The following ST8SIA4 variants were observed in gnomAD, a reference collection of about 807,000 sequenced individuals.
The protein encoded by ST8SIA4 is CMP-N-acetylneuraminate-poly-alpha-2,8-sialyltransferase.
Under a neutral mutation model 33.9 loss-of-function variants are expected in ST8SIA4, and 15 were observed. The ratio of observed to expected loss-of-function variants is 0.44; its 90% CI spans 0.30 to 0.68. The LOEUF (loss-of-function observed/expected upper bound fraction) is 0.68, where lower values mean the gene tolerates loss of function less well. ST8SIA4 is among the 30% of genes least tolerant of loss of function. ST8SIA4 has a pLI of 0.10. For synonymous variants in ST8SIA4, 171 were observed against 151.2 expected (o/e 1.13, Z -0.96); for missense variants, 321 against 428.0 (o/e 0.75, Z 2.21).
At chr5:100,846,150 C>T (rs1215010226) in intron 4 of ST8SIA4, among the ~76,000 whole-genome samples, 1 of 151,888 alleles carries the variant, frequency 6.6e-6, no homozygotes, top group African/African-American at 2.4e-5. Context: ...GAATTCAAGC[C>T]TTCCTTCTTG....
At chr5:100,894,468 C>G (rs1401949723) in intron 2 of ST8SIA4, among the ~76,000 whole-genome samples, 1 of 152,082 alleles carries the variant, frequency 6.6e-6, no homozygotes, top group Non-Finnish European at 1.5e-5. Context: ...TAAAAGCAAA[C>G]AAACACACAC....
chr5:100,858,218 G>A (rs531938584), intron 3 of ST8SIA4, among the ~76,000 whole-genome samples: 4 of 152,120 alleles, frequency 2.6e-5, no homozygotes, highest in African/African-American at 9.6e-5. Context: ...ATGGGGAAAA[G>A]TATATTCTGG....
At chr5:100,874,528 T>C (rs1752264689) in intron 3 of ST8SIA4, among the ~76,000 whole-genome samples, 1 of 151,946 alleles carries the variant, frequency 6.6e-6, no homozygotes, top group Admixed American at 6.6e-5. Flanking sequence ...TCTCTCCCTC[T>C]CCTTTTCCCC....
intron 3 of ST8SIA4, among the ~76,000 whole-genome samples, chr5:100,880,361 T>C (rs1580479027): frequency 6.6e-6 from 1 of 151,606 alleles, no homozygotes; most frequent in Admixed American, 6.6e-5. Context: ...TGGTAGGGGG[T>C]GTTTCTGATA....
At chr5:100,827,434 G>A (rs1751169893) in intron 4 of ST8SIA4, among the ~76,000 whole-genome samples, 2 of 152,122 alleles carry the variant, frequency 1.3e-5, no homozygotes. Flanking sequence ...GATGAGAAGA[G>A]GTACTGGGGT....
At chr5:100,832,646 A>G (rs1429044744) in intron 4 of ST8SIA4, among the ~76,000 whole-genome samples, 1 of 151,892 alleles carries the variant, frequency 6.6e-6, no homozygotes, top group Non-Finnish European at 1.5e-5. Context: ...TCTTTTTTTC[A>G]TTAGTCTGCC....
In ST8SIA4 at chr5:100,809,736, C is replaced by G. The variant is rs1318074539; in HGVS notation, c.*2111G>C. 3 of 152,146 alleles carry G rather than the reference C, an allele frequency of 2.0e-5. No homozygotes were observed. Among genetic ancestry groups the G allele is most frequent in the Admixed American group, 6.5e-5 (1 of 15,278 alleles). 9.4% of individuals were successfully genotyped at this position (152,146 alleles called of 1,614,324 possible). A position where few individuals can be genotyped will look rare whatever the true frequency, so the allele number is the denominator to read the frequency against. On this transcript the variant is annotated 3_prime_UTR_variant, in exon 5 of 5. Transcript: ENST00000231461. The stretch of plus-strand genomic sequence containing the variant: ...TTCAAAACATGTATCTATTCTCTTA[C>G]AATTTCTGATAGATAAGAGGTTTAA...
intron 3 of ST8SIA4, among the ~76,000 whole-genome samples, chr5:100,881,069 T>C (rs1306022818): frequency 6.6e-6 from 1 of 152,190 alleles, no homozygotes; most frequent in African/African-American, 2.4e-5. Context: ...AATTTCTGAT[T>C]TTGTATGCAG....
In ST8SIA4 at chr5:100,809,833, T is replaced by C. The variant is rs1360938268; in HGVS notation, c.*2014A>G. On this transcript the variant is annotated 3_prime_UTR_variant, in exon 5 of 5. Transcript: ENST00000231461. ...CTATACGCATTAGATTTTACTTACT[T>C]AGAGACACATACATTCTCAAAAGAT... 6.6e-6 allele frequency: 1 copy of C among 152,134 alleles called. No homozygotes were observed. The highest frequency in any genetic ancestry group is 1.5e-5 in the Non-Finnish European group (1 of 68,020). The allele number at this position is 152,134 out of a possible 1,614,324, so 9.4% of individuals were successfully genotyped here.
At chr5:100,885,200 T>A (rs11739418) in intron 3 of ST8SIA4, 9,102 of 255,104 alleles carry the variant, frequency 0.036, 209 homozygotes, top group Non-Finnish European at 0.045. Flanking sequence ...ATCTACTTGT[T>A]CACAAGGTTT....
intron 3 of ST8SIA4, among the ~76,000 whole-genome samples, chr5:100,858,408 C>T (rs1751863095): frequency 1.3e-5 from 2 of 151,896 alleles, no homozygotes; most frequent in African/African-American, 4.8e-5. Flanking sequence ...TTTATTTTCA[C>T]TATAATAGTA....
intron 3 of ST8SIA4, among the ~76,000 whole-genome samples, chr5:100,861,200 A>ACC (rs904886250): frequency 6.6e-6 from 1 of 152,116 alleles, no homozygotes; most frequent in Non-Finnish European, 1.5e-5. Flanking sequence ...ACACACACAC[A>ACC]CACCACATTT....
chr5:100,876,706 C>G (rs1301636108), intron 3 of ST8SIA4, among the ~76,000 whole-genome samples: 1 of 151,820 alleles, frequency 6.6e-6, no homozygotes, highest in Admixed American at 6.6e-5. Context: ...GAGTTTTAGA[C>G]ATTTTTGTTA....
chr5:100,865,416 C>G (rs1752040255), intron 3 of ST8SIA4, among the ~76,000 whole-genome samples: 1 of 152,120 alleles, frequency 6.6e-6, no homozygotes, highest in Non-Finnish European at 1.5e-5. Context: ...ATTTTTGTTA[C>G]TAGACATATT....
chr5:100,842,517 C>T (rs1751490278), intron 4 of ST8SIA4, among the ~76,000 whole-genome samples: 1 of 151,838 alleles, frequency 6.6e-6, no homozygotes. Flanking sequence ...CCACATCCCA[C>T]CTCAACACTA....
intron 3 of ST8SIA4, among the ~76,000 whole-genome samples, chr5:100,870,961 A>G (rs968043635): frequency 6.6e-6 from 1 of 152,118 alleles, no homozygotes; most frequent in East Asian, 1.9e-4. Context: ...TAGATAAGCA[A>G]TGTTACTATT....
intron 4 of ST8SIA4, among the ~76,000 whole-genome samples, chr5:100,843,998 A>C (rs1385183381): frequency 6.6e-6 from 1 of 151,938 alleles, no homozygotes; most frequent in African/African-American, 2.4e-5. Flanking sequence ...GCAAGGTCTT[A>C]AGAGGGACAG....
At chr5:100,818,803 A>G (rs571453356) in intron 4 of ST8SIA4, among the ~76,000 whole-genome samples, 107 of 152,292 alleles carry the variant, frequency 7.0e-4, no homozygotes, top group Middle Eastern at 3.4e-3. Context: ...TGAAGAAAGG[A>G]ATGGAGATAC....
At chr5:100,902,524 T>A (rs1474371185) in intron 1 of ST8SIA4, among the ~76,000 whole-genome samples, 1 of 152,186 alleles carries the variant, frequency 6.6e-6, no homozygotes, top group African/African-American at 2.4e-5. Flanking sequence ...TTCTCTTGAG[T>A]TCTGCCCACA....
Sources: gnomAD v4.1 joint callset for allele counts (sites outside exome capture counted in the v4.1 genomes callset) on GRCh38, gnomAD v4.1.1 for gene constraint, MANE v1.5 for transcripts, NCBI Gene and HGNC (gene_info 2026-07-23, HGNC 2026-07-21) for gene names.